MGAM: variants seen among roughly 807,000 people sequenced by gnomAD.
MGAM encodes maltase-glucoamylase.
In MGAM, 253 loss-of-function variants were observed where a neutral mutation model predicts 358.8. The ratio of observed to expected loss-of-function variants is 0.71; its 90% confidence interval spans 0.64 to 0.78. MGAM has a LOEUF of 0.78. Ranked by LOEUF, MGAM falls within the 30% of genes least tolerant of loss-of-function variation. MGAM has a pLI of 0.00. For missense variants in MGAM, 3,080 were observed against 3,432.6 expected, an observed-to-expected ratio of 0.90 and a Z score of 2.57; for synonymous variants, 1,105 against 1,227.1, an observed-to-expected ratio of 0.90 and a Z score of 2.08.
intron 60 of MGAM, among the ~76,000 whole-genome samples, chr7:142,093,838 G>C (rs1229254235): frequency 6.9e-6 from 1 of 145,864 alleles, no homozygotes; most frequent in Non-Finnish European, 1.6e-5. Context: ...GAGGGCAGCC[G>C]GTGGTACAAC....
chr7:142,017,754 A>G (rs1806088288), intron 3 of MGAM, among the ~76,000 whole-genome samples: 1 of 152,146 alleles, frequency 6.6e-6, no homozygotes, highest in African/African-American at 2.4e-5. Context: ...TATCCCTCAT[A>G]TTGGCTATTA....
chr7:141,986,922 G>A (rs143010429), intron 2 of MGAM, among the ~76,000 whole-genome samples: 2,061 of 152,288 alleles, frequency 0.014, 19 homozygotes, highest in Middle Eastern at 0.02. Flanking sequence ...TGGAGATTTG[G>A]AGGTCCTACA....
intron 2 of MGAM, among the ~76,000 whole-genome samples, chr7:141,990,496 C>T (rs1803901089): frequency 6.6e-6 from 1 of 152,094 alleles, no homozygotes; most frequent in Non-Finnish European, 1.5e-5. Context: ...TTCTTACCTG[C>T]AGTGGTTCCC....
At chr7:142,040,386 G>A (rs984232859) in intron 20 of MGAM, 5 of 588,128 alleles carry the variant, frequency 8.5e-6, no homozygotes, top group African/African-American at 5.6e-5. Flanking sequence ...ACTTTATTTA[G>A]CAATAAGATA....
chr7:142,075,339 A>G (rs1039651395), intron 45 of MGAM, among the ~76,000 whole-genome samples: 1 of 146,344 alleles, frequency 6.8e-6, no homozygotes, highest in African/African-American at 2.4e-5. Flanking sequence ...AAGCTCCTAG[A>G]AGAAAACATA....
chr7:142,082,948 A>G (rs1221787317), intron 52 of MGAM, among the ~76,000 whole-genome samples: 3 of 146,152 alleles, frequency 2.1e-5, no homozygotes, highest in South Asian at 2.2e-4. Context: ...ATCGGGTACT[A>G]CGTTTGCTAT....
rs767969164 is a variant in MGAM, at chr7:142,100,833, T to G, written c.7906T>G (p.Leu2636Val). Residue 2636 changes from leucine (L) to valine (V), a missense_variant, in exon 68 of 71, where the codon TTG (leucine) becomes GTG (valine). Physicochemically the swap from Leu to Val is conservative, Grantham distance 32 (BLOSUM62 1). Around this residue, in one of 5 missense-constraint regions of MGAM, gnomAD observed 194 missense variants for 172.8 expected, o/e 1.12. Coordinates refer to ENST00000475668, the MANE Select transcript of MGAM (RefSeq NM_001365693.1). ...GAAATTCATGGGCTTCAAAATTGCC[T>G]TGGATGATGAAGGAACTGCTGGGGG... ...RQKFMGFKIALDDEGTAGGWL... is the reference protein window; with the variant it reads ...RQKFMGFKIAVDDEGTAGGWL... 4 of 1,613,004 alleles carry G rather than the reference T, an allele frequency of 2.5e-6. No individual in the cohort carries two copies. The African/African-American group carries it at 5.3e-5, about 22-fold the overall frequency.
chr7:142,019,148 G>T (rs1806204228), intron 3 of MGAM, 51 bp from the exon 4 acceptor site: 2 of 1,577,484 alleles, frequency 1.3e-6, no homozygotes, highest in Admixed American at 1.8e-5. Context: ...CTTTATAAAT[G>T]ATCATGTTCT....
chr7:142,039,103 CTTT>C (rs35054393), intron 19 of MGAM, among the ~76,000 whole-genome samples: 9 of 118,950 alleles, frequency 7.6e-5, no homozygotes, highest in African/African-American at 1.7e-4. Context: ...TTGCCACACA[CTTT>C]TTTTTTTTTT....
chr7:142,012,240 T>A (rs1277231725), intron 3 of MGAM, among the ~76,000 whole-genome samples: 1 of 152,174 alleles, frequency 6.6e-6, no homozygotes, highest in Non-Finnish European at 1.5e-5. Context: ...CAAGACTGAG[T>A]AATTTATCAA....
Position 142,081,967 on chromosome 7 carries a change from T to A in MGAM, c.6003-75T>A. 3.6e-6 allele frequency: 5 copies of A among 1,399,638 alleles called. 1 individual carries two copies. Among genetic ancestry groups the A allele is most frequent in the South Asian group, 2.3e-5 (2 of 86,140 alleles). The allele number at this position is 1,399,638 out of a possible 1,614,324, so 86.7% of individuals were successfully genotyped here. A position where few individuals can be genotyped will look rare whatever the true frequency, so the allele number is the denominator to read the frequency against. On this transcript the variant is annotated intron_variant, in intron 50 of 70. Coordinates refer to ENST00000475668, the MANE Select transcript of MGAM (RefSeq NM_001365693.1). The stretch of plus-strand genomic sequence containing the variant: ...TGGGTAGGAATCAAGTGTTCTGTTG[T>A]CCTTGAAAAGTCAGCTGCTGGAAGC...
At chr7:142,085,223 T>C (rs1182214663) in intron 54 of MGAM, among the ~76,000 whole-genome samples, 1 of 146,576 alleles carries the variant, frequency 6.8e-6, no homozygotes, top group African/African-American at 2.4e-5. Flanking sequence ...TGATCCAATG[T>C]ACCATCGCAT....
chr7:142,008,590 G>A lies in MGAM; in HGVS notation c.212G>A (p.Arg71Lys), dbSNP rs1554453288. The part of the protein sequence containing the change: ...DPGTTGTTHA[R>K]TTGPPDPGTT... ...GGAACAACTGGTACCACACATGCTA[G>A]GACAACGGGTCCCCCAGATCCTGGA... Residue 71 changes from arginine (R) to lysine (K), a missense_variant, in exon 3 of 71, where the codon AGG becomes AAG. Around this residue, in one of 5 missense-constraint regions of MGAM, gnomAD observed 1,816 missense variants for 1,840.5 expected, o/e 0.99. Transcript: ENST00000475668. 6.2e-7 allele frequency: 1 copy of A among 1,613,144 alleles called. No individual in the cohort carries two copies. The highest frequency in any genetic ancestry group is 8.5e-7 in the Non-Finnish European group (1 of 1,179,384).
chr7:142,095,695 T>G lies in MGAM; in HGVS notation c.7589T>G (p.Val2530Gly). ...GCCCACACGGAGGGCGTCACTGTTG[T>G]GCGGCCTCTGCTCCATGAGTGAGTG... is the stretch of plus-strand genomic sequence containing the variant. ...HKAHTEGVTV[V>G]RPLLHEFVSD... Residue 2530 changes from valine to glycine, a missense_variant, in exon 64 of 71, where the codon GTG (valine) becomes GGG (glycine). Val to Gly is a moderately radical substitution (Grantham distance 109). Around this residue, in one of 5 missense-constraint regions of MGAM, gnomAD observed 932 missense variants for 1,198.2 expected, o/e 0.78. Transcript: ENST00000475668. 6.2e-7 allele frequency: 1 copy of G among 1,614,022 alleles called. No homozygotes were observed. The highest frequency in any genetic ancestry group is 8.5e-7 in the Non-Finnish European group (1 of 1,179,876).
Position 142,105,807 on chromosome 7 carries a change from C to T in MGAM, c.8185-7C>T, listed in dbSNP as rs780844325. 1.9e-6 allele frequency: 3 copies of T among 1,610,812 alleles called. No homozygotes were observed. The highest frequency in any genetic ancestry group is 2.7e-5 in the African/African-American group (2 of 74,970). ...ATGCCCAATTCTTTTCCTTTGGTTC[C>T]TAACAGGTATTAAGCATCGATGTGA... On this transcript the variant is annotated splice_polypyrimidine_tract_variant and splice_region_variant and intron_variant, in intron 70 of 70. Transcript: ENST00000475668.
intron 2 of MGAM, among the ~76,000 whole-genome samples, chr7:141,986,585 A>G (rs1270845590): frequency 6.6e-6 from 1 of 152,092 alleles, no homozygotes; most frequent in African/African-American, 2.4e-5. Context: ...TTCTTTTCAC[A>G]TTTTTCCCTT....
intron 64 of MGAM, 195 bp from the exon 65 acceptor site, chr7:142,096,136 T>C: frequency 1.6e-6 from 1 of 632,110 alleles, no homozygotes; most frequent in East Asian, 2.7e-5. Context: ...CATCCCAGCA[T>C]TTCTGAAGTT....
At chr7:142,059,744 T>G (rs888160511) in intron 32 of MGAM, 112 bp from the exon 33 acceptor site, 6 of 1,565,774 alleles carry the variant, frequency 3.8e-6, no homozygotes, top group Non-Finnish European at 5.2e-6. Flanking sequence ...TCACAGAAAC[T>G]CTACTGTGCA....
chr7:142,030,208 G>T, intron 10 of MGAM, 154 bp from the exon 11 acceptor site: 20 of 801,678 alleles, frequency 2.5e-5, no homozygotes, highest in Middle Eastern at 4.0e-4. Flanking sequence ...AATCAACATT[G>T]GAAAAGAAGT....
Sources: allele counts gnomAD v4.1 joint callset (sites outside exome capture counted in the v4.1 genomes callset), GRCh38; gene constraint gnomAD v4.1.1; regional missense constraint gnomAD v4.1.1; transcripts MANE v1.5; gene names NCBI Gene and HGNC (gene_info 2026-07-23, HGNC 2026-07-21).